Variants in MARCHF10 observed in about 807,000 individuals in gnomAD.
MARCHF10 encodes probable E3 ubiquitin-protein ligase MARCHF10.
In MARCHF10, 64 loss-of-function variants were observed where a neutral mutation model predicts 76.2. The ratio of observed to expected loss-of-function variants is 0.84; its 90% confidence interval spans 0.69 to 1.03. The LOEUF is 1.03. Ranked by LOEUF, MARCHF10 falls within the 50% of genes least tolerant of loss-of-function variation. The pLI, the probability that MARCHF10 is intolerant of heterozygous loss-of-function variation, is 0.00. For missense variants in MARCHF10, 875 were observed against 958.0 expected, an observed-to-expected ratio of 0.91 and a Z score of 1.14; for synonymous variants, 340 against 357.5, an observed-to-expected ratio of 0.95 and a Z score of 0.55.
chr17:62,750,923 A>G (rs886158098), intron 4 of MARCHF10, among the ~76,000 whole-genome samples: 1 of 152,122 alleles, frequency 6.6e-6, no homozygotes, highest in Non-Finnish European at 1.5e-5. Context: ...TCACTTGGGT[A>G]AGGCTCTCTC....
chr17:62,793,124 TCAC>T (rs1184701370), intron 2 of MARCHF10, among the ~76,000 whole-genome samples: 14 of 55,346 alleles, frequency 2.5e-4, no homozygotes, highest in East Asian at 1.4e-3. Flanking sequence ...TCCATCACTA[TCAC>T]CACAACCATC....
chr17:62,714,467 G>A (rs2090089595), intron 8 of MARCHF10: 1 of 967,742 alleles, frequency 1.0e-6, no homozygotes, highest in African/African-American at 1.8e-5. Context: ...AGGATTCCAG[G>A]TAAATTGTCT....
chr17:62,787,606 T>G (rs1471215053), intron 3 of MARCHF10, among the ~76,000 whole-genome samples: 1 of 152,178 alleles, frequency 6.6e-6, no homozygotes, highest in Non-Finnish European at 1.5e-5. Context: ...ATCATAGAGC[T>G]TAGCAATTCA....
chr17:62,757,005 T>C (rs180902611), intron 4 of MARCHF10, among the ~76,000 whole-genome samples: 1 of 152,334 alleles, frequency 6.6e-6, no homozygotes, highest in Non-Finnish European at 1.5e-5. Flanking sequence ...TGATAGTTCC[T>C]ATATTTTAAA....
chr17:62,761,508 G>T (rs933429432), intron 3 of MARCHF10, among the ~76,000 whole-genome samples: 2 of 151,844 alleles, frequency 1.3e-5, no homozygotes, highest in Admixed American at 6.6e-5. Flanking sequence ...TGCAACCTCC[G>T]CCTCTCGGGT....
chr17:62,742,865 C>T (rs143921705), intron 5 of MARCHF10, among the ~76,000 whole-genome samples: 1 of 152,068 alleles, frequency 6.6e-6, no homozygotes, highest in African/African-American at 2.4e-5. Context: ...AACTCCTGGA[C>T]TCAAGTGATC....
intron 4 of MARCHF10, among the ~76,000 whole-genome samples, chr17:62,749,045 G>A (rs1273653485): frequency 6.6e-6 from 1 of 152,110 alleles, no homozygotes; most frequent in Non-Finnish European, 1.5e-5. Flanking sequence ...GTTTGCTTTG[G>A]ACAACATACA....
chr17:62,790,552 T>C (rs758587836), intron 2 of MARCHF10, among the ~76,000 whole-genome samples: 1 of 152,192 alleles, frequency 6.6e-6, no homozygotes, highest in Non-Finnish European at 1.5e-5. Context: ...CAGGGCCAAA[T>C]TATCCACTGT....
chr17:62,784,310 AC>A (rs777462299), intron 3 of MARCHF10, among the ~76,000 whole-genome samples: 34 of 152,330 alleles, frequency 2.2e-4, no homozygotes, highest in Admixed American at 7.8e-4. Flanking sequence ...AAGGCCTTTG[AC>A]AAAATTCAAC....
chr17:62,709,888 T>C (rs1474578016), intron 9 of MARCHF10, among the ~76,000 whole-genome samples: 1 of 152,150 alleles, frequency 6.6e-6, no homozygotes, highest in Non-Finnish European at 1.5e-5. Context: ...TAACTGGTTA[T>C]CTGTACCTGT....
At chr17:62,717,265 C>T (rs186892185) in intron 8 of MARCHF10, among the ~76,000 whole-genome samples, 1 of 152,220 alleles carries the variant, frequency 6.6e-6, no homozygotes, top group African/African-American at 2.4e-5. Context: ...TCAGCCGCCT[C>T]CAGACAGCAG....
chr17:62,736,004 A>G lies in MARCHF10; in HGVS notation c.1864T>C (p.Ser622Pro). 6.2e-7 allele frequency: 1 copy of G among 1,613,972 alleles called. No individual in the cohort carries two copies. The highest frequency in any genetic ancestry group is 8.5e-7 in the Non-Finnish European group (1 of 1,179,988). Residue 622 changes from serine to proline, a missense_variant, in exon 6 of 11, where the codon TCT becomes CCT. Transcript: ENST00000311269. ...QNDNGSRMAASGFTDEKETSK... is the reference protein window; with the variant it reads ...QNDNGSRMAAPGFTDEKETSK... The stretch of plus-strand genomic sequence containing the variant: ...GTTTCCTTTTCATCTGTGAAACCAG[A>G]GGCTGCCATCCTGCTCCCATTATCA...
chr17:62,771,410 A>T (rs1260420118), intron 3 of MARCHF10, among the ~76,000 whole-genome samples: 3 of 151,826 alleles, frequency 2.0e-5, no homozygotes, highest in Non-Finnish European at 2.9e-5. Flanking sequence ...GTGGCCGGGT[A>T]CTTCAGAGGA....
At chr17:62,757,749 G>A (rs935864883) in intron 4 of MARCHF10, among the ~76,000 whole-genome samples, 4 of 152,208 alleles carry the variant, frequency 2.6e-5, no homozygotes, top group Non-Finnish European at 4.4e-5. Context: ...GAAGCTGGTG[G>A]TTTGTAGAGG....
chr17:62,736,012 A>C lies in MARCHF10; in HGVS notation c.1856T>G (p.Met619Arg). The change falls in exon 6 of 11, where the codon ATG (methionine) becomes AGG (arginine). Residue 619 changes from methionine to arginine, a missense_variant. Met to Arg is a moderately conservative substitution (Grantham distance 91). Transcript: ENST00000311269. ...FPNQNDNGSR[M>R]AASGFTDEKE... ...TTCATCTGTGAAACCAGAGGCTGCC[A>C]TCCTGCTCCCATTATCATTTTGATT... The C allele has an allele frequency of 6.2e-7, 1 of 1,614,200 alleles. No individual in the cohort carries two copies.
chr17:62,798,387 G>A (rs368957934), intron 2 of MARCHF10, among the ~76,000 whole-genome samples: 5 of 151,628 alleles, frequency 3.3e-5, no homozygotes. Flanking sequence ...ACTTTGGGAG[G>A]CTGAGACAGG....
chr17:62,772,606 G>A (rs1418641573), intron 3 of MARCHF10, among the ~76,000 whole-genome samples: 1 of 152,162 alleles, frequency 6.6e-6, no homozygotes, highest in East Asian at 1.9e-4. Flanking sequence ...GGTGGGAAAT[G>A]TAGGCCTGGG....
chr17:62,798,737 T>C (rs2093026671), intron 2 of MARCHF10, among the ~76,000 whole-genome samples: 1 of 152,182 alleles, frequency 6.6e-6, no homozygotes, highest in Non-Finnish European at 1.5e-5. Context: ...GGACACGATG[T>C]CTACAGAAAG....
At chr17:62,720,060 C>A (rs2090406279) in intron 8 of MARCHF10, among the ~76,000 whole-genome samples, 1 of 152,132 alleles carries the variant, frequency 6.6e-6, no homozygotes, top group Non-Finnish European at 1.5e-5. Context: ...GTACACTGCC[C>A]ATCTGTTCTT....
Sources: allele counts gnomAD v4.1 joint callset (sites outside exome capture counted in the v4.1 genomes callset), GRCh38; gene constraint gnomAD v4.1.1; transcripts MANE v1.5; gene names NCBI Gene and HGNC (gene_info 2026-07-23, HGNC 2026-07-21).